The following CAMTA1 variants were observed in gnomAD, a reference collection of about 807,000 sequenced individuals.
The protein encoded by CAMTA1 is calmodulin binding transcription activator 1, also known as calmodulin-binding transcription activator 1.
Under a neutral mutation model 170.9 loss-of-function variants are expected in CAMTA1, and 27 were observed. The ratio of observed to expected loss-of-function variants is 0.16; its 90% CI spans 0.12 to 0.22. The LOEUF is 0.22. Among genes scored for constraint, CAMTA1 ranks in the 10% least tolerant of loss-of-function variants. The pLI is 1.00. For missense variants in CAMTA1, 1,619 were observed against 2,217.2 expected, an observed-to-expected ratio of 0.73 and a Z score of 5.42; for synonymous variants, 833 against 891.5, an observed-to-expected ratio of 0.93 and a Z score of 1.17.
chr1:6,929,359 T>G (rs1351949514), intron 3 of CAMTA1, among the ~76,000 whole-genome samples: 1 of 149,552 alleles, frequency 6.7e-6, no homozygotes, highest in African/African-American at 2.5e-5. Flanking sequence ...TTTTTTTTTT[T>G]GTTTGTTTGT....
rs149628377 is a variant in CAMTA1 at position 6,897,137 on chromosome 1, C to T, written c.234+71927C>T. ...TGCCTCGACTCTGCCTGGTTCCCCA[C>T]TTGCCTGAGTAGAGAACAGGTTCAG... is the stretch of plus-strand genomic sequence containing the variant. On this transcript the variant is annotated intron_variant, in intron 3 of 22. Coordinates refer to ENST00000303635, the MANE Select transcript of CAMTA1 (RefSeq NM_015215.4). 1.1e-3 allele frequency among the ~76,000 whole-genome samples: 173 copies of T among 152,292 alleles called. 1 individual carries two copies. Among genetic ancestry groups the T allele is most frequent in the African/African-American group, 3.7e-3 (153 of 41,546 alleles).
intron 5 of CAMTA1, among the ~76,000 whole-genome samples, chr1:7,429,780 A>G (rs1245443634): frequency 6.6e-6 from 1 of 152,182 alleles, no homozygotes; most frequent in Middle Eastern, 3.2e-3. Context: ...TGCATGCTGT[A>G]CAGGAAGCAT....
intron 4 of CAMTA1, among the ~76,000 whole-genome samples, chr1:7,160,220 G>A (rs1647127207): frequency 6.6e-6 from 1 of 152,128 alleles, no homozygotes; most frequent in Admixed American, 6.5e-5. Context: ...TTGCACTCCA[G>A]TCTGGGCAAC....
chr1:7,613,740 G>A (rs1048642085), intron 6 of CAMTA1, among the ~76,000 whole-genome samples: 11 of 150,380 alleles, frequency 7.3e-5, no homozygotes, highest in Admixed American at 5.3e-4. Context: ...GGGGCAGGCC[G>A]GACCCGGAGG....
chr1:7,645,330 G>A (rs748110843), intron 7 of CAMTA1, among the ~76,000 whole-genome samples: 10 of 152,246 alleles, frequency 6.6e-5, no homozygotes, highest in African/African-American at 1.4e-4. Flanking sequence ...AGATGGAACC[G>A]TTTCCTCGGA....
At chr1:7,503,247 G>C (rs1296482489) in intron 6 of CAMTA1, among the ~76,000 whole-genome samples, 1 of 152,184 alleles carries the variant, frequency 6.6e-6, no homozygotes, top group East Asian at 1.9e-4. Flanking sequence ...GCTGGGGGCC[G>C]AGAGCAAGGG....
intron 1 of CAMTA1, among the ~76,000 whole-genome samples, chr1:6,818,267 G>T (rs1476187658): frequency 6.6e-6 from 1 of 152,190 alleles, no homozygotes; most frequent in Non-Finnish European, 1.5e-5. Context: ...AACCTGGGAG[G>T]CAGAGGTTGC....
intron 6 of CAMTA1, among the ~76,000 whole-genome samples, chr1:7,569,290 C>G (rs1030489534): frequency 8.0e-5 from 12 of 149,608 alleles, no homozygotes; most frequent in African/African-American, 2.9e-4. Flanking sequence ...ACCATCACCA[C>G]CACCAACCAT....
chr1:7,442,771 C>A (rs1366412093), intron 5 of CAMTA1, among the ~76,000 whole-genome samples: 10 of 152,154 alleles, frequency 6.6e-5, no homozygotes, highest in Non-Finnish European at 1.5e-5. Context: ...CTATGAGGCA[C>A]TTTTTATCTA....
At chr1:6,865,052 T>C (rs1310839706) in intron 3 of CAMTA1, among the ~76,000 whole-genome samples, 1 of 152,208 alleles carries the variant, frequency 6.6e-6, no homozygotes, top group East Asian at 1.9e-4. Context: ...CAGTCTTCCC[T>C]CCTTGGCCTC....
intron 4 of CAMTA1, among the ~76,000 whole-genome samples, chr1:7,222,935 C>T (rs759550087): frequency 6.7e-4 from 102 of 152,224 alleles, no homozygotes; most frequent in Non-Finnish European, 1.3e-3. Context: ...ATGAGGTGCC[C>T]GGCACCCTGT....
intron 5 of CAMTA1, among the ~76,000 whole-genome samples, chr1:7,451,019 C>T (rs139492917): frequency 9.8e-5 from 15 of 152,296 alleles, no homozygotes; most frequent in East Asian, 9.7e-4. Context: ...TACAGAGGCC[C>T]AGGCAGGGCA....
Position 7,721,405 on chromosome 1 carries a change from T to C in CAMTA1, c.2915-11043T>C, listed in dbSNP as rs572340562. Among the ~76,000 whole-genome samples the C allele has an allele frequency of 2.0e-5, 3 of 152,324 alleles. No homozygotes were observed. In the South Asian group the frequency reaches 6.2e-4, roughly 32 times the overall value. ...GAGTCATTTTGAGGATTAGACATAA[T>C]CCATGTAAAATGTCTGGCTTACTGT... On this transcript the variant is annotated intron_variant, in intron 11 of 22. Coordinates refer to ENST00000303635, the MANE Select transcript of CAMTA1 (RefSeq NM_015215.4).
chr1:7,638,977 A>C lies in CAMTA1; in HGVS notation c.511-1423A>C, dbSNP rs150967496. 7.6e-3 allele frequency among the ~76,000 whole-genome samples: 1,161 copies of C among 152,162 alleles called. 16 individuals are homozygous for C. The highest frequency in any genetic ancestry group is 0.027 in the African/African-American group (1,117 of 41,508). ...TGTTAAATGGAACTGATTTGAGACAAACTGGGCCTTTTTATTTTTGAGACA... is the reference window on the plus strand; with the variant it reads ...TGTTAAATGGAACTGATTTGAGACACACTGGGCCTTTTTATTTTTGAGACA... On this transcript the variant is annotated intron_variant, in intron 6 of 22. Transcript: ENST00000303635.
chr1:7,503,180 A>G (rs993554446), intron 6 of CAMTA1, among the ~76,000 whole-genome samples: 1 of 152,168 alleles, frequency 6.6e-6, no homozygotes, highest in African/African-American at 2.4e-5. Context: ...GGCTTTTACC[A>G]ACAGGGCCAG....
chr1:7,387,035 G>T (rs2149102670), intron 5 of CAMTA1, among the ~76,000 whole-genome samples: 2 of 152,150 alleles, frequency 1.3e-5, no homozygotes, highest in South Asian at 4.2e-4. Context: ...AAAGTCAGCA[G>T]CCCCTGGAAC....
intron 5 of CAMTA1, among the ~76,000 whole-genome samples, chr1:7,276,705 G>T (rs12085970): frequency 0.054 from 8,187 of 151,954 alleles, 722 homozygotes; most frequent in African/African-American, 0.19. Context: ...ATATTCTACC[G>T]GAGGTCCTAG....
chr1:7,732,654 C>T lies in CAMTA1; in HGVS notation c.3066+55C>T. ...ATTTCGCTTCATGTTTATGGATTGG[C>T]GAGGCAGTGGATGGATCACAGGCCT... On this transcript the variant is annotated intron_variant, in intron 12 of 22. Coordinates refer to ENST00000303635, the MANE Select transcript of CAMTA1 (RefSeq NM_015215.4). The surrounding 1 kb of genome is among the most constrained non-coding windows in gnomAD (Gnocchi z 4.1). 6.6e-7 allele frequency: 1 copy of T among 1,506,756 alleles called. No individual in the cohort carries two copies. The highest frequency in any genetic ancestry group is 8.9e-7 in the Non-Finnish European group (1 of 1,124,122). 93.3% of individuals were successfully genotyped at this position (1,506,756 alleles called of 1,614,324 possible).
At chr1:7,194,979 C>G (rs546749240) in intron 4 of CAMTA1, among the ~76,000 whole-genome samples, 1 of 152,186 alleles carries the variant, frequency 6.6e-6, no homozygotes, top group African/African-American at 2.4e-5. Flanking sequence ...ATAAACAGTA[C>G]GTGGAGCATC....
Sources: gnomAD v4.1 joint callset for allele counts (sites outside exome capture counted in the v4.1 genomes callset) on GRCh38, gnomAD v4.1.1 for gene constraint, Gnocchi (gnomAD v3.1) non-coding constraint, MANE v1.5 for transcripts, NCBI Gene and HGNC (gene_info 2026-07-23, HGNC 2026-07-21) for gene names.